Variants in ADAMTS6 observed in about 807,000 individuals in gnomAD.
ADAMTS6 encodes the protein A disintegrin and metalloproteinase with thrombospondin motifs 6.
In ADAMTS6, 23 loss-of-function variants were observed where a neutral mutation model predicts 144.3. The observed-to-expected ratio is 0.16, with a 90% CI of 0.11 to 0.23. ADAMTS6 has a LOEUF of 0.23. Ranked by LOEUF, ADAMTS6 falls within the 10% of genes least tolerant of loss-of-function variation. ADAMTS6 has a pLI of 1.00. For synonymous variants in ADAMTS6, 444 were observed against 457.5 expected, an observed-to-expected ratio of 0.97 and a Z score of 0.38; for missense variants, 999 against 1,379.6, an observed-to-expected ratio of 0.72 and a Z score of 4.37.
chr5:65,404,831 G>A (rs1005602441), intron 7 of ADAMTS6, among the ~76,000 whole-genome samples: 6 of 152,026 alleles, frequency 3.9e-5, no homozygotes, highest in East Asian at 1.9e-4. Context: ...TTTAATGATC[G>A]CCATTCTAAC....
At chr5:65,287,697 A>C (rs950719150) in intron 11 of ADAMTS6, among the ~76,000 whole-genome samples, 27 of 151,978 alleles carry the variant, frequency 1.8e-4, no homozygotes, top group African/African-American at 6.5e-4. Flanking sequence ...CGCCTGGCTA[A>C]TTTTGTATTT....
chr5:65,219,075 C>CG (rs1757126879), intron 18 of ADAMTS6, among the ~76,000 whole-genome samples: 1 of 151,742 alleles, frequency 6.6e-6, no homozygotes, highest in Admixed American at 6.6e-5. Context: ...GAGGATTAAA[C>CG]GGAAAAAAAA....
At chr5:65,348,421 T>A (rs1580457760) in intron 7 of ADAMTS6, among the ~76,000 whole-genome samples, 1 of 152,092 alleles carries the variant, frequency 6.6e-6, no homozygotes, top group East Asian at 1.9e-4. Context: ...GGACAAATAC[T>A]GTATGGTCTC....
intron 7 of ADAMTS6, among the ~76,000 whole-genome samples, chr5:65,355,222 A>C (rs1190376644): frequency 2.0e-5 from 3 of 151,820 alleles, no homozygotes; most frequent in Non-Finnish European, 4.4e-5. Flanking sequence ...TAGTTAAAAG[A>C]TGTGATGATA....
intron 14 of ADAMTS6, chr5:65,256,254 A>T (rs1049715433): frequency 6.6e-6 from 1 of 152,238 alleles, no homozygotes; most frequent in Non-Finnish European, 1.5e-5. Context: ...GCTAGTGGCT[A>T]TCGGGCTGGA....
In ADAMTS6 at chr5:65,337,363, A is replaced by G. The variant is rs1665434550; in HGVS notation, c.1074-3278T>C. Among the ~76,000 whole-genome samples, 3 of 152,072 alleles carry G rather than the reference A, an allele frequency of 2.0e-5. No individual in the cohort carries two copies. In the South Asian group the frequency reaches 6.2e-4, roughly 32 times the overall value. Reference sequence around the variant, plus strand: ...TTTTATAAACTTACTATTATCTCATATTTTACCTTTTTCAATTTCTTTTTT... The same window carrying G: ...TTTTATAAACTTACTATTATCTCATGTTTTACCTTTTTCAATTTCTTTTTT... On this transcript the variant is annotated intron_variant, in intron 7 of 24. Coordinates refer to ENST00000381055, the MANE Select transcript of ADAMTS6 (RefSeq NM_197941.4).
intron 3 of ADAMTS6, among the ~76,000 whole-genome samples, chr5:65,470,438 C>G (rs1760344623): frequency 6.6e-6 from 1 of 152,064 alleles, no homozygotes; most frequent in Admixed American, 6.5e-5. Flanking sequence ...CATATACATA[C>G]AAACATACCC....
chr5:65,332,308 TATATAGAG>T lies in ADAMTS6; in HGVS notation c.1117+1726_1117+1733del, dbSNP rs1470452074. Among the ~76,000 whole-genome samples the T allele has an allele frequency of 8.3e-3, 909 of 109,398 alleles. 6 individuals are homozygous for T. Among genetic ancestry groups the T allele is most frequent in the Non-Finnish European group, 0.014 (663 of 47,530 alleles). The allele number at this position is 109,398 out of a possible 152,430, so 71.8% of individuals were successfully genotyped here. A position where few individuals can be genotyped will look rare whatever the true frequency, so the allele number is the denominator to read the frequency against. On this transcript the variant is annotated intron_variant, in intron 8 of 24. Coordinates refer to ENST00000381055, the MANE Select transcript of ADAMTS6 (RefSeq NM_197941.4). ...GAGGGTATATATATATATATATATA[TATATAGAG>T]AGAGAGAGAGAGAGAGAGAGAGAGT...
At chr5:65,275,388 AAAG>A (rs1762415817) in intron 11 of ADAMTS6, among the ~76,000 whole-genome samples, 2 of 147,508 alleles carry the variant, frequency 1.4e-5, no homozygotes, top group South Asian at 4.3e-4. Context: ...AGAAAGAAAG[AAAG>A]AAAGAAAGAA....
intron 4 of ADAMTS6, among the ~76,000 whole-genome samples, chr5:65,458,531 C>A (rs1479284015): frequency 6.6e-6 from 1 of 152,196 alleles, no homozygotes; most frequent in African/African-American, 2.4e-5. Context: ...TCTGCCTCAG[C>A]CTCCCAAGTG....
chr5:65,281,189 T>G (rs1429634769), intron 11 of ADAMTS6, among the ~76,000 whole-genome samples: 4 of 152,194 alleles, frequency 2.6e-5, no homozygotes, highest in Non-Finnish European at 5.9e-5. Flanking sequence ...TAACTAGATG[T>G]AGATTTGAAT....
chr5:65,478,084 G>T (rs1371424189), intron 1 of ADAMTS6, among the ~76,000 whole-genome samples: 2 of 151,594 alleles, frequency 1.3e-5, no homozygotes, highest in Admixed American at 1.3e-4. Flanking sequence ...CCAAGATCAC[G>T]CCACTGCACT....
chr5:65,159,417 T>C (rs1752620125), intron 24 of ADAMTS6, among the ~76,000 whole-genome samples: 1 of 152,140 alleles, frequency 6.6e-6, no homozygotes, highest in African/African-American at 2.4e-5. Flanking sequence ...TGCCTCTCTC[T>C]CTGTAGCCTC....
intron 7 of ADAMTS6, among the ~76,000 whole-genome samples, chr5:65,346,499 T>A (rs867103386): frequency 3.3e-5 from 5 of 152,000 alleles, no homozygotes; most frequent in Admixed American, 2.0e-4. Context: ...AGATCCTATA[T>A]GACAAACCCA....
At chr5:65,252,288 C>T (rs1055231419) in intron 14 of ADAMTS6, among the ~76,000 whole-genome samples, 13 of 151,294 alleles carry the variant, frequency 8.6e-5, no homozygotes, top group African/African-American at 2.4e-4. Flanking sequence ...CTAGGAATTC[C>T]GCTCGGAGCA....
chr5:65,338,741 A>G (rs1226665316), intron 7 of ADAMTS6, among the ~76,000 whole-genome samples: 1 of 151,992 alleles, frequency 6.6e-6, no homozygotes, highest in African/African-American at 2.4e-5. Context: ...CCAAGAAGTC[A>G]TGTGACCACA....
intron 11 of ADAMTS6, among the ~76,000 whole-genome samples, chr5:65,277,048 T>G (rs1762597986): frequency 6.6e-6 from 1 of 152,194 alleles, no homozygotes; most frequent in Non-Finnish European, 1.5e-5. Context: ...ATTTGGGTCT[T>G]TGTGCTTGCT....
intron 9 of ADAMTS6, among the ~76,000 whole-genome samples, chr5:65,301,061 T>C (rs2112801752): frequency 6.6e-6 from 1 of 152,338 alleles, no homozygotes; most frequent in African/African-American, 2.4e-5. Context: ...GTTTTTATCG[T>C]AGCCTCCTTC....
rs186384775 is a variant in ADAMTS6, at chr5:65,459,270, C to T, written c.631+900G>A. ...CTCTAATTCCATCTCCATATTGCTG[C>T]AAGAGTAGTCTTTCTAAAACACAAA... On this transcript the variant is annotated intron_variant, in intron 4 of 24. Transcript: ENST00000381055. Among the ~76,000 whole-genome samples the T allele has an allele frequency of 6.6e-5, 10 of 152,240 alleles. No homozygotes were observed. The East Asian group carries it at 1.9e-3, about 29-fold the overall frequency.
Sources: gnomAD v4.1 joint callset for allele counts (sites outside exome capture counted in the v4.1 genomes callset) on GRCh38, gnomAD v4.1.1 for gene constraint, MANE v1.5 for transcripts, NCBI Gene and HGNC (gene_info 2026-07-23, HGNC 2026-07-21) for gene names.